The following SV2A variants were observed in gnomAD, a reference collection of about 807,000 sequenced individuals.
The protein encoded by SV2A is synaptic vesicle glycoprotein 2A.
A neutral mutation model predicts 78.0 loss-of-function variants in SV2A; 25 were observed. That is an observed-to-expected ratio of 0.32 (90% CI 0.23 to 0.45). SV2A has a LOEUF of 0.45. Ranked by LOEUF, SV2A falls within the 20% of genes least tolerant of loss-of-function variation. The pLI is 1.00. For synonymous variants in SV2A, 355 were observed against 384.7 expected (o/e 0.92, Z 0.90); for missense variants, 752 against 971.5 (o/e 0.77, Z 3.00).
chr1:149,913,437 C>T lies in SV2A; in HGVS notation c.404G>A (p.Gly135Asp). The change falls in exon 2 of 13, where the codon GGC becomes GAC. Residue 135 changes from glycine (G) to aspartate (D), a missense_variant. Around this residue, in one of 7 missense-constraint regions of SV2A, gnomAD observed 291 missense variants for 359.5 expected, o/e 0.81. Coordinates refer to ENST00000369146, the MANE Select transcript of SV2A (RefSeq NM_014849.5). ...GLSDGEGPPG[G>D]RGEAQRRKER... The stretch of plus-strand genomic sequence containing the variant: ...TTTCCGTCGTTGTGCCTCCCCCCGG[C>T]CCCCAGGGGGACCCTCCCCATCACT... The T allele has an allele frequency of 6.2e-7, 1 of 1,613,190 alleles. No individual in the cohort carries two copies. Among genetic ancestry groups the T allele is most frequent in the Non-Finnish European group, 8.5e-7 (1 of 1,179,464 alleles).
intron 11 of SV2A, among the ~76,000 whole-genome samples, chr1:149,906,363 C>T (rs1304800312): frequency 6.6e-6 from 1 of 152,150 alleles, no homozygotes; most frequent in Non-Finnish European, 1.5e-5. Context: ...CAACCAGGCT[C>T]ATAGAGGTAA....
intron 6 of SV2A, 52 bp from the exon 7 acceptor site, chr1:149,909,623 C>T (rs782521180): frequency 8.4e-5 from 130 of 1,552,066 alleles, no homozygotes; most frequent in Admixed American, 2.0e-4. Context: ...TTCCCAACAT[C>T]GGCCAGGCGC....
At position 149,910,609 on chromosome 1, in the gene SV2A, A is replaced by T. The variant is rs1553763590; in HGVS notation, c.1050T>A (p.Ala350=). Residue 350 remains alanine (A), a synonymous_variant, in exon 5 of 13, where the codon GCT becomes GCA. Coordinates refer to ENST00000369146, the MANE Select transcript of SV2A (RefSeq NM_014849.5). This position sits in a 1 kb window ranked among gnomAD's most constrained non-coding sequence, Gnocchi z 4.2. ...CAFPSVFAIG[A]LTTQPESPRF... is the part of the protein sequence containing the mutation. ...GGGGGCTCTCAGGCTGCGTGGTCAG[A>T]GCCCCAATGGCAAACACAGAAGGAA... 8.7e-6 allele frequency: 14 copies of T among 1,612,922 alleles called. No individual in the cohort carries two copies. The highest frequency in any genetic ancestry group is 1.2e-5 in the Non-Finnish European group (14 of 1,179,548).
rs1553764073 is a variant in SV2A at position 149,913,433 on chromosome 1, C to A, written c.408G>T (p.Arg136=). The change falls in exon 2 of 13, where the codon CGG becomes CGT. Residue 136 remains arginine (R), a synonymous_variant. Coordinates refer to ENST00000369146, the MANE Select transcript of SV2A (RefSeq NM_014849.5). ...GTTCTTTCCGTCGTTGTGCCTCCCC[C>A]CGGCCCCCAGGGGGACCCTCCCCAT... is the stretch of plus-strand genomic sequence containing the variant. ...LSDGEGPPGG[R]GEAQRRKERE... The A allele has an allele frequency of 6.2e-7, 1 of 1,613,804 alleles. No homozygotes were observed. The highest frequency in any genetic ancestry group is 8.5e-7 in the Non-Finnish European group (1 of 1,179,968).
Position 149,904,257 on chromosome 1 carries a change from C to T in SV2A, c.*757G>A, listed in dbSNP as rs1327808051. On this transcript the variant is annotated 3_prime_UTR_variant, in exon 13 of 13. Transcript: ENST00000369146. ...AGATTAGGGGAGGAACTGTGGGAGG[C>T]AGGGTTGTGTGTGCATCCGCTGAAA... 6.5e-6 allele frequency: 1 copy of T among 152,738 alleles called. No homozygotes were observed. Among genetic ancestry groups the T allele is most frequent in the East Asian group, 1.9e-4 (1 of 5,194 alleles). The allele number at this position is 152,738 out of a possible 1,614,324, so 9.5% of individuals were successfully genotyped here.
intron 1 of SV2A, among the ~76,000 whole-genome samples, chr1:149,914,620 G>A (rs1166474603): frequency 6.6e-6 from 1 of 152,186 alleles, no homozygotes; most frequent in East Asian, 1.9e-4. Context: ...GATGGCATCT[G>A]AAGGCAGGGG....
intron 10 of SV2A, 171 bp from the exon 11 acceptor site, chr1:149,907,027 T>A: frequency 6.9e-7 from 1 of 1,441,708 alleles, no homozygotes; most frequent in Non-Finnish European, 9.1e-7. Flanking sequence ...GAACTAGGGA[T>A]CTTTAGAGCA....
chr1:149,908,422 C>T (rs948100002), intron 8 of SV2A, among the ~76,000 whole-genome samples: 3 of 152,192 alleles, frequency 2.0e-5, no homozygotes, highest in African/African-American at 4.8e-5. Flanking sequence ...TTCAGGGTCT[C>T]GCACAGCAGC....
In SV2A at chr1:149,906,667, C is replaced by T; in HGVS notation, c.1868G>A (p.Gly623Asp). The change falls in exon 11 of 13, where the codon GGC (glycine) becomes GAC (aspartate). Residue 623 changes from glycine to aspartate, a missense_variant. By Grantham distance (94) the Gly-to-Asp change is moderately conservative. This residue lies in a region of SV2A where 186 missense variants were observed against 274.6 expected (regional missense o/e 0.68). Transcript: ENST00000369146. ...CCCCTTACCAAGCATTCTGAGCCTG[C>T]CGATCTTGTCCATGAGCAGGGCAGA... ...IVSALLMDKI[G>D]RLRMLAGSSV... 1 of 1,614,170 alleles carries T rather than the reference C, an allele frequency of 6.2e-7. No homozygotes were observed. The highest frequency in any genetic ancestry group is 8.5e-7 in the Non-Finnish European group (1 of 1,180,026).
At position 149,913,422 on chromosome 1, in the gene SV2A, T is replaced by C; in HGVS notation, c.419A>G (p.Gln140Arg). 1.9e-6 allele frequency: 3 copies of C among 1,614,066 alleles called. No individual in the cohort carries two copies. The highest frequency in any genetic ancestry group is 2.2e-5 in the East Asian group (1 of 44,846). ...EGPPGGRGEA[Q>R]RRKEREELAQ... ...CAGTTCTTCTCGTTCTTTCCGTCGTTGTGCCTCCCCCCGGCCCCCAGGGGG... is the reference window on the plus strand; with the variant it reads ...CAGTTCTTCTCGTTCTTTCCGTCGTCGTGCCTCCCCCCGGCCCCCAGGGGG... Residue 140 changes from glutamine (Q) to arginine (R), a missense_variant, in exon 2 of 13, where the codon CAA (glutamine) becomes CGA (arginine). Coordinates refer to ENST00000369146, the MANE Select transcript of SV2A (RefSeq NM_014849.5).
Position 149,910,113 on chromosome 1 carries a change from T to C in SV2A, c.1090-223A>G, listed in dbSNP as rs587600314. The stretch of plus-strand genomic sequence containing the variant: ...ATCAGACTTGGGCAAGAGCTGCGGG[T>C]TGGGGGTGGGGAGTGTTGTCCAGGG... On this transcript the variant is annotated intron_variant, in intron 5 of 12. Coordinates refer to ENST00000369146, the MANE Select transcript of SV2A (RefSeq NM_014849.5). This position sits in a 1 kb window ranked among gnomAD's most constrained non-coding sequence, Gnocchi z 4.2. 6.6e-6 allele frequency among the ~76,000 whole-genome samples: 1 copy of C among 151,898 alleles called. No homozygotes were observed. The highest frequency in any genetic ancestry group is 2.1e-4 in the South Asian group (1 of 4,804).
At chr1:149,915,448 A>T (rs2092506587) in intron 1 of SV2A, among the ~76,000 whole-genome samples, 2 of 152,200 alleles carry the variant, frequency 1.3e-5, no homozygotes, top group Non-Finnish European at 2.9e-5. Flanking sequence ...AGTAAAGTGG[A>T]GGAAAGATGG....
chr1:149,913,918 G>A lies in SV2A; in HGVS notation c.-78C>T, dbSNP rs1208290993. On this transcript the variant is annotated 5_prime_UTR_variant, in exon 2 of 13. Coordinates refer to ENST00000369146, the MANE Select transcript of SV2A (RefSeq NM_014849.5). ...AGCTTTTTGCTCAAGGACTTGTAGAGTCAAAAAGACCCCTCCCCACAGTTA... is the reference window on the plus strand; with the variant it reads ...AGCTTTTTGCTCAAGGACTTGTAGAATCAAAAAGACCCCTCCCCACAGTTA... 2 of 1,516,476 alleles carry A rather than the reference G, an allele frequency of 1.3e-6. No individual in the cohort carries two copies. The highest frequency in any genetic ancestry group is 1.8e-6 in the Non-Finnish European group (2 of 1,136,144). 93.9% of individuals were successfully genotyped at this position (1,516,476 alleles called of 1,614,324 possible).
chr1:149,906,439 C>T (rs990221617), intron 11 of SV2A, among the ~76,000 whole-genome samples: 13 of 152,090 alleles, frequency 8.5e-5, no homozygotes, highest in South Asian at 2.1e-4. Context: ...AAGCCTGTGC[C>T]CTAACCACTT....
chr1:149,906,237 C>T lies in SV2A; in HGVS notation c.1886-198G>A, dbSNP rs587774479. On this transcript the variant is annotated intron_variant, in intron 11 of 12. Coordinates refer to ENST00000369146, the MANE Select transcript of SV2A (RefSeq NM_014849.5). ...AATTGTTTATTAATAATATCAGTAA[C>T]CATCATTTATTCAATGCCAGCCATG... 1.4e-4 allele frequency among the ~76,000 whole-genome samples: 21 copies of T among 152,322 alleles called. No individual in the cohort carries two copies. In the South Asian group the frequency reaches 2.7e-3, roughly 20 times the overall value.
chr1:149,903,628 C>T lies in SV2A; in HGVS notation c.*1386G>A, dbSNP rs41264604. The T allele has an allele frequency of 3.9e-5, 6 of 152,212 alleles. No individual in the cohort carries two copies. The highest frequency in any genetic ancestry group is 2.1e-4 in the South Asian group (1 of 4,824). 9.4% of individuals were successfully genotyped at this position (152,212 alleles called of 1,614,324 possible). On this transcript the variant is annotated 3_prime_UTR_variant, in exon 13 of 13. Transcript: ENST00000369146. ...GTGACCACAGGGTTGGGGCACTGGA[C>T]GCAGCATGACGAAGGTGAATTTTGA...
At chr1:149,909,307 C>T (rs1553763309) in intron 7 of SV2A, 27 bp from the exon 8 acceptor site, 3 of 1,610,874 alleles carry the variant, frequency 1.9e-6, no homozygotes, top group Non-Finnish European at 2.5e-6. Context: ...AAAGTCAGAC[C>T]TTGACTATAC....
intron 1 of SV2A, among the ~76,000 whole-genome samples, chr1:149,915,953 T>G (rs1469269432): frequency 6.6e-6 from 1 of 151,798 alleles, no homozygotes; most frequent in East Asian, 1.9e-4. Context: ...CGGTAAGCAA[T>G]GCTATGTGGT....
chr1:149,907,232 G>A (rs2092444201), intron 10 of SV2A, among the ~76,000 whole-genome samples: 1 of 152,116 alleles, frequency 6.6e-6, no homozygotes, highest in Non-Finnish European at 1.5e-5. Context: ...CCTGCAACAT[G>A]GAAAAAGCTC....
Sources: allele counts gnomAD v4.1 joint callset (sites outside exome capture counted in the v4.1 genomes callset), GRCh38; gene constraint gnomAD v4.1.1; regional missense constraint gnomAD v4.1.1; non-coding constraint Gnocchi (gnomAD v3.1); transcripts MANE v1.5; gene names NCBI Gene and HGNC (gene_info 2026-07-23, HGNC 2026-07-21).